AAK1: variants seen among roughly 807,000 people sequenced by gnomAD.
AAK1 encodes AP2-associated protein kinase 1.
A neutral mutation model predicts 116.0 loss-of-function variants in AAK1; 37 were observed. The observed-to-expected ratio is 0.32, with a 90% CI of 0.25 to 0.42. The LOEUF is 0.42. Among genes scored for constraint, AAK1 ranks in the 10% least tolerant of loss-of-function variants. The pLI is 1.00. For missense variants in AAK1, 919 were observed against 1,170.6 expected (o/e 0.79, Z 3.14); for synonymous variants, 458 against 439.9 (o/e 1.04, Z -0.51).
chr2:69,600,221 T>C (rs566413998), intron 2 of AAK1, among the ~76,000 whole-genome samples: 105 of 151,536 alleles, frequency 6.9e-4, no homozygotes, highest in Non-Finnish European at 1.4e-3. Flanking sequence ...GCTAGAATAT[T>C]ATGAATATTC....
At chr2:69,607,573 TA>T (rs1673865109) in intron 2 of AAK1, among the ~76,000 whole-genome samples, 2 of 152,312 alleles carry the variant, frequency 1.3e-5, no homozygotes, top group Admixed American at 1.3e-4. Flanking sequence ...GCTACCAGGA[TA>T]CAAAATCTAT....
intron 2 of AAK1, among the ~76,000 whole-genome samples, chr2:69,636,954 C>G (rs1195283889): frequency 2.6e-5 from 4 of 152,204 alleles, no homozygotes; most frequent in Admixed American, 2.6e-4. Context: ...TCTGCCTCAG[C>G]CTCCCAAAGT....
At chr2:69,487,987 C>T (rs1675368429) in intron 17 of AAK1, among the ~76,000 whole-genome samples, 2 of 151,868 alleles carry the variant, frequency 1.3e-5, no homozygotes, top group Non-Finnish European at 1.5e-5. Flanking sequence ...AATGGGGTTT[C>T]GCCATGTGGG....
At position 69,592,973 on chromosome 2, in the gene AAK1, T is replaced by A. The variant is rs186685362; in HGVS notation, c.164-35995A>T. Among the ~76,000 whole-genome samples, 330 of 152,332 alleles carry A rather than the reference T, an allele frequency of 2.2e-3. 2 individuals are homozygous for A. The highest frequency in any genetic ancestry group is 7.6e-3 in the African/African-American group (315 of 41,572). On this transcript the variant is annotated intron_variant, in intron 2 of 21. Transcript: ENST00000409085. ...AGCCTGAATAACTTCATGCGTCACA[T>A]TCCCTAAAATGCATTTTCTCATTGA...
intron 2 of AAK1, among the ~76,000 whole-genome samples, chr2:69,628,398 A>T (rs1245336308): frequency 6.6e-6 from 1 of 152,042 alleles, no homozygotes; most frequent in Non-Finnish European, 1.5e-5. Context: ...AGAACTTAAA[A>T]ACCATGTTTG....
intron 8 of AAK1, 54 bp downstream of exon 8, chr2:69,529,954 T>A: frequency 4.3e-6 from 6 of 1,406,600 alleles, no homozygotes; most frequent in Non-Finnish European, 5.7e-6. Flanking sequence ...ATCCCCCAAT[T>A]CATTCTTTGT....
At chr2:69,631,336 G>C (rs1177215717) in intron 2 of AAK1, among the ~76,000 whole-genome samples, 3 of 152,172 alleles carry the variant, frequency 2.0e-5, no homozygotes, top group Admixed American at 1.3e-4. Context: ...GCTTTCTACA[G>C]GATTCAAGTC....
At chr2:69,632,618 G>T (rs778801472) in intron 2 of AAK1, among the ~76,000 whole-genome samples, 2 of 152,204 alleles carry the variant, frequency 1.3e-5, no homozygotes, top group Admixed American at 1.3e-4. Context: ...ATGAACTAGC[G>T]CCAGGCGCGA....
chr2:69,538,693 C>T (rs1186917459), intron 5 of AAK1, among the ~76,000 whole-genome samples: 2 of 152,190 alleles, frequency 1.3e-5, no homozygotes, highest in East Asian at 1.9e-4. Flanking sequence ...ACCAGTCTTG[C>T]TAACATGGTG....
In AAK1 at chr2:69,469,229, GGGCAAAGAAAT is replaced by G. The variant is rs1674595223; in HGVS notation, c.*6629_*6639del. The stretch of plus-strand genomic sequence containing the variant: ...AACTCTCCAGGCCTGGCACTCTGAA[GGGCAAAGAAAT>G]GCCAGAGAATATGGGGGAAGCCCAG... On this transcript the variant is annotated 3_prime_UTR_variant, in exon 22 of 22. Coordinates refer to ENST00000409085, the MANE Select transcript of AAK1 (RefSeq NM_014911.5). The G allele has an allele frequency of 1.0e-6, 1 of 985,270 alleles. No individual in the cohort carries two copies. The allele number at this position is 985,270 out of a possible 1,614,324, so 61.0% of individuals were successfully genotyped here.
Position 69,467,189 on chromosome 2 carries a change from A to C in AAK1, c.*8680T>G, listed in dbSNP as rs1438611513. ...GACCAAATAAATCACCTTCAGCTGG[A>C]GTTGCCCCAGAATTTTGTTTTCAGT... is the stretch of plus-strand genomic sequence containing the variant. On this transcript the variant is annotated 3_prime_UTR_variant, in exon 22 of 22. Coordinates refer to ENST00000409085, the MANE Select transcript of AAK1 (RefSeq NM_014911.5). 5.5e-5 allele frequency: 54 copies of C among 985,342 alleles called. No homozygotes were observed. The highest frequency in any genetic ancestry group is 6.3e-5 in the Non-Finnish European group (52 of 829,948). The allele number at this position is 985,342 out of a possible 1,614,324, so 61.0% of individuals were successfully genotyped here.
intron 17 of AAK1, among the ~76,000 whole-genome samples, chr2:69,491,343 G>C (rs886558090): frequency 3.3e-5 from 5 of 152,118 alleles, no homozygotes; most frequent in Non-Finnish European, 7.3e-5. Context: ...TTGAGCATCA[G>C]TGAAATACTC....
At chr2:69,531,775 T>C in intron 6 of AAK1, 1 of 1,172,190 alleles carries the variant, frequency 8.5e-7, no homozygotes, top group South Asian at 2.3e-5. Context: ...TGTGACATCA[T>C]AAATCAAAAC....
intron 10 of AAK1, among the ~76,000 whole-genome samples, chr2:69,522,352 C>T (rs1422093274): frequency 6.6e-6 from 1 of 152,204 alleles, no homozygotes; most frequent in Non-Finnish European, 1.5e-5. Flanking sequence ...CCATCCTGGG[C>T]CCAGAAACTT....
At chr2:69,552,680 C>T (rs1200853610) in intron 3 of AAK1, among the ~76,000 whole-genome samples, 1 of 151,566 alleles carries the variant, frequency 6.6e-6, no homozygotes, top group Non-Finnish European at 1.5e-5. Context: ...CACTGCACTC[C>T]AGCCTAGGCA....
At chr2:69,522,483 T>C (rs912987311) in intron 10 of AAK1, among the ~76,000 whole-genome samples, 4 of 152,032 alleles carry the variant, frequency 2.6e-5, no homozygotes, top group Admixed American at 2.6e-4. Context: ...ATGGGACACG[T>C]GCTGGAGAAA....
At chr2:69,593,877 G>C (rs1226938183) in intron 2 of AAK1, among the ~76,000 whole-genome samples, 5 of 152,342 alleles carry the variant, frequency 3.3e-5, no homozygotes, top group African/African-American at 1.2e-4. Context: ...GGTAGCTCCA[G>C]ACTGTAATCC....
intron 17 of AAK1, among the ~76,000 whole-genome samples, chr2:69,490,458 C>A (rs1675477643): frequency 6.6e-6 from 1 of 152,044 alleles, no homozygotes; most frequent in African/African-American, 2.4e-5. Context: ...TATATACATA[C>A]AATGGAATAT....
At chr2:69,607,709 T>C (rs745954959) in intron 2 of AAK1, among the ~76,000 whole-genome samples, 9 of 152,150 alleles carry the variant, frequency 5.9e-5, no homozygotes, top group Non-Finnish European at 1.0e-4. Context: ...ATAAGAGTAA[T>C]GATACAAGAG....
Sources: allele counts gnomAD v4.1 joint callset (sites outside exome capture counted in the v4.1 genomes callset), GRCh38; gene constraint gnomAD v4.1.1; transcripts MANE v1.5; gene names NCBI Gene and HGNC (gene_info 2026-07-23, HGNC 2026-07-21).